CPO: variants seen among roughly 807,000 people sequenced by gnomAD.
CPO encodes the protein carboxypeptidase O.
CPO carries 43 observed loss-of-function variants against 41.2 expected under a neutral mutation model. The observed-to-expected ratio is 1.04, with a 90% CI of 0.82 to 1.35. The LOEUF (loss-of-function observed/expected upper bound fraction) is 1.35. Ranked by LOEUF, CPO falls within the 40% of genes most tolerant of loss-of-function variation. The pLI is 0.00. For missense variants in CPO, 408 were observed against 451.7 expected, an observed-to-expected ratio of 0.90 and a Z score of 0.88; for synonymous variants, 178 against 162.7, an observed-to-expected ratio of 1.09 and a Z score of -0.72.
chr2:206,955,379 G>T, intron 2 of CPO, 84 bp from the exon 3 acceptor site: 1 of 821,468 alleles, frequency 1.2e-6, no homozygotes. Flanking sequence ...AGTTCAATGT[G>T]TCAGTGAAAG....
chr2:206,967,780 T>C (rs1693613992), intron 7 of CPO, among the ~76,000 whole-genome samples: 1 of 152,266 alleles, frequency 6.6e-6, no homozygotes, highest in South Asian at 2.1e-4. Context: ...CAGTGAGCAA[T>C]GAGGAGCTCT....
chr2:206,948,321 T>G (rs1693184729), intron 1 of CPO, among the ~76,000 whole-genome samples: 1 of 152,164 alleles, frequency 6.6e-6, no homozygotes, highest in Non-Finnish European at 1.5e-5. Context: ...GTGAAAGAAG[T>G]CAACCTGAAA....
intron 1 of CPO, among the ~76,000 whole-genome samples, chr2:206,940,691 C>CA (rs1379621893): frequency 6.6e-6 from 1 of 151,754 alleles, no homozygotes; most frequent in African/African-American, 2.4e-5. Context: ...ATATGCAAAT[C>CA]ATTATTTTGC....
At chr2:206,945,871 G>T (rs1433506366) in intron 1 of CPO, among the ~76,000 whole-genome samples, 1 of 151,870 alleles carries the variant, frequency 6.6e-6, no homozygotes, top group Non-Finnish European at 1.5e-5. Flanking sequence ...GGGAGGCGGA[G>T]GTTGCAGTCA....
chr2:206,953,729 T>C (rs780422833), intron 2 of CPO, among the ~76,000 whole-genome samples: 8 of 152,240 alleles, frequency 5.3e-5, no homozygotes, highest in Non-Finnish European at 1.0e-4. Flanking sequence ...CAACCCCACA[T>C]TTCCTTTCTG....
rs894923240 is a variant in CPO at position 206,939,678 on chromosome 2, A to G, written c.68+11A>G. ...GCTGGGATATGATAGGTGAGTGTAA[A>G]GTGGGAAGAGGAACTGATTATTATA... On this transcript the variant is annotated intron_variant, in intron 1 of 8. Transcript: ENST00000272852. The G allele has an allele frequency of 2.0e-5, 32 of 1,604,946 alleles. No homozygotes were observed. Among genetic ancestry groups the G allele is most frequent in the African/African-American group, 4.0e-5 (3 of 74,620 alleles).
intron 2 of CPO, among the ~76,000 whole-genome samples, chr2:206,954,830 C>T (rs1438019512): frequency 2.0e-5 from 3 of 152,108 alleles, no homozygotes; most frequent in South Asian, 2.1e-4. Flanking sequence ...CTTCACATGG[C>T]GGCAGCAAGG....
intron 4 of CPO, among the ~76,000 whole-genome samples, chr2:206,958,791 G>T (rs1192137154): frequency 3.5e-5 from 5 of 142,406 alleles, no homozygotes; most frequent in African/African-American, 1.1e-4. Flanking sequence ...GCCCAGGCTG[G>T]AGTGTAATGG....
chr2:206,948,958 T>G (rs569274280), intron 1 of CPO, among the ~76,000 whole-genome samples: 3 of 152,272 alleles, frequency 2.0e-5, no homozygotes, highest in South Asian at 4.1e-4. Flanking sequence ...GGGAAGATTG[T>G]GCATGTGTGA....
intron 7 of CPO, among the ~76,000 whole-genome samples, chr2:206,967,615 G>A (rs1455210807): frequency 1.3e-5 from 2 of 152,126 alleles, no homozygotes; most frequent in Non-Finnish European, 2.9e-5. Flanking sequence ...AGGAAAGATA[G>A]AGGCTGAGGA....
chr2:206,954,507 A>G (rs2105824138), intron 2 of CPO, among the ~76,000 whole-genome samples: 1 of 152,308 alleles, frequency 6.6e-6, no homozygotes, highest in Middle Eastern at 3.4e-3. Context: ...TTTTGGTCAA[A>G]GCCATTCAAC....
At position 206,955,571 on chromosome 2, in the gene CPO, G is replaced by A. The variant is rs191248258; in HGVS notation, c.267+7G>A. ...CCCCATGTATTATCTGAAGGTGAGTGAGAAGGCTGAGAATTACCTTACCAG... is the reference window on the plus strand; with the variant it reads ...CCCCATGTATTATCTGAAGGTGAGTAAGAAGGCTGAGAATTACCTTACCAG... On this transcript the variant is annotated splice_region_variant and intron_variant, in intron 3 of 8. Coordinates refer to ENST00000272852, the MANE Select transcript of CPO (RefSeq NM_173077.3). The A allele has an allele frequency of 4.4e-6, 6 of 1,355,438 alleles. No individual in the cohort carries two copies. The highest frequency in any genetic ancestry group is 3.3e-5 in the Admixed American group (2 of 59,740). 84.0% of individuals were successfully genotyped at this position (1,355,438 alleles called of 1,614,324 possible).
intron 7 of CPO, among the ~76,000 whole-genome samples, chr2:206,966,784 T>C (rs569839586): frequency 6.6e-6 from 1 of 152,266 alleles, no homozygotes; most frequent in African/African-American, 2.4e-5. Flanking sequence ...CCTTTGATTT[T>C]AGTCAGACAC....
chr2:206,964,067 G>T (rs771692405), intron 7 of CPO, among the ~76,000 whole-genome samples: 11 of 152,000 alleles, frequency 7.2e-5, no homozygotes, highest in Non-Finnish European at 1.5e-4. Flanking sequence ...GAAGAAGTGG[G>T]GCTAAGCTTG....
chr2:206,954,086 G>A (rs1453921993), intron 2 of CPO, among the ~76,000 whole-genome samples: 1 of 152,204 alleles, frequency 6.6e-6, no homozygotes, highest in African/African-American at 2.4e-5. Context: ...CCAGGCCTGT[G>A]ATGGGAGGGG....
rs930341806 is a variant in CPO, at chr2:206,940,438, G to T, written c.68+771G>T. On this transcript the variant is annotated intron_variant, in intron 1 of 8. Transcript: ENST00000272852. ...TATGAAAGCACTTTTTAAGTGTTTG[G>T]CAAATTGACAAGTAAAAAATACACA... Among the ~76,000 whole-genome samples, 5 of 152,042 alleles carry T rather than the reference G, an allele frequency of 3.3e-5. No individual in the cohort carries two copies. In the East Asian group the frequency reaches 9.6e-4, roughly 29 times the overall value.
At chr2:206,948,678 T>C (rs1472617517) in intron 1 of CPO, among the ~76,000 whole-genome samples, 1 of 152,138 alleles carries the variant, frequency 6.6e-6, no homozygotes, top group East Asian at 1.9e-4. Flanking sequence ...AGGAGGATAT[T>C]CTGAGCCCAG....
intron 3 of CPO, among the ~76,000 whole-genome samples, chr2:206,956,790 G>A (rs1300841589): frequency 6.6e-6 from 1 of 152,212 alleles, no homozygotes; most frequent in Non-Finnish European, 1.5e-5. Context: ...AATTTACAAA[G>A]TACAGCCCTA....
Position 206,949,707 on chromosome 2 carries a change from G to A in CPO, c.159G>A (p.Met53Ile). The A allele has an allele frequency of 1.2e-6, 2 of 1,606,072 alleles. No homozygotes were observed. The highest frequency in any genetic ancestry group is 1.7e-6 in the Non-Finnish European group (2 of 1,172,902). The change falls in exon 2 of 9, where the codon ATG becomes ATA. Residue 53 changes from methionine (M) to isoleucine (I), a missense_variant. Coordinates refer to ENST00000272852, the MANE Select transcript of CPO (RefSeq NM_173077.3). ...ETYSYNIYHP[M>I]GEIYEWMREI... ...ATTCCTATAACATATACCACCCCAT[G>A]GGAGAGGTAAGGAAGGACACATGGC...
Sources: allele counts gnomAD v4.1 joint callset (sites outside exome capture counted in the v4.1 genomes callset), GRCh38; gene constraint gnomAD v4.1.1; transcripts MANE v1.5; gene names NCBI Gene and HGNC (gene_info 2026-07-23, HGNC 2026-07-21).